Variants in AGBL4 observed in about 807,000 individuals in gnomAD.
The protein encoded by AGBL4 is cytosolic carboxypeptidase 6.
In AGBL4, 58 loss-of-function variants were observed where a neutral mutation model predicts 66.4. The observed-to-expected ratio is 0.87, with a 90% CI of 0.71 to 1.09. AGBL4 has a LOEUF of 1.09. AGBL4 is among the 50% of genes least tolerant of loss of function. The pLI is 0.00. For missense variants in AGBL4, 579 were observed against 631.0 expected (o/e 0.92, Z 0.88); for synonymous variants, 234 against 222.9 (o/e 1.05, Z -0.44).
chr1:48,698,505 A>G (rs1221351765), intron 6 of AGBL4, among the ~76,000 whole-genome samples: 35 of 152,234 alleles, frequency 2.3e-4, no homozygotes, highest in Admixed American at 2.3e-3. Flanking sequence ...TTTTGTCCTC[A>G]TCCTGAGCTC....
chr1:49,886,433 A>G (rs955034513), intron 1 of AGBL4, among the ~76,000 whole-genome samples: 7 of 152,144 alleles, frequency 4.6e-5, no homozygotes, highest in Admixed American at 2.0e-4. Flanking sequence ...CATGGAAGGC[A>G]TTGTATGATA....
intron 1 of AGBL4, among the ~76,000 whole-genome samples, chr1:49,958,116 T>C (rs1221561897): frequency 6.6e-6 from 1 of 152,104 alleles, no homozygotes; most frequent in Non-Finnish European, 1.5e-5. Flanking sequence ...CCTTCACTTA[T>C]GAAGCTTAGT....
At chr1:49,803,008 G>C (rs1323150533) in intron 2 of AGBL4, among the ~76,000 whole-genome samples, 1 of 151,308 alleles carries the variant, frequency 6.6e-6, no homozygotes, top group Non-Finnish European at 1.5e-5. Context: ...ACCTTCATAA[G>C]TTAAATTTCA....
chr1:49,586,662 C>CTGACTGAA (rs1553231959), intron 3 of AGBL4, among the ~76,000 whole-genome samples: 2 of 151,302 alleles, frequency 1.3e-5, no homozygotes, highest in Admixed American at 6.6e-5. Flanking sequence ...GACTGACTGA[C>CTGACTGAA]TGAATGAATG....
At chr1:48,590,170 C>T (rs909830734) in intron 10 of AGBL4, among the ~76,000 whole-genome samples, 11 of 151,948 alleles carry the variant, frequency 7.2e-5, no homozygotes, top group African/African-American at 2.4e-4. Flanking sequence ...ATTGGGAGGC[C>T]GAGGCGGGCG....
chr1:48,553,741 C>G (rs1181376344), intron 11 of AGBL4, among the ~76,000 whole-genome samples: 1 of 152,142 alleles, frequency 6.6e-6, no homozygotes, highest in Non-Finnish European at 1.5e-5. Context: ...AATCTCTGCT[C>G]TAGGTCTGTG....
At chr1:49,392,696 T>TACAC (rs1431125040) in intron 3 of AGBL4, among the ~76,000 whole-genome samples, 1 of 96,276 alleles carries the variant, frequency 1.0e-5, no homozygotes, top group African/African-American at 4.9e-5. Context: ...TTCAACTGTG[T>TACAC]ATACACACAC....
intron 4 of AGBL4, among the ~76,000 whole-genome samples, chr1:49,068,153 T>C (rs1039496117): frequency 1.3e-5 from 2 of 152,184 alleles, no homozygotes; most frequent in Non-Finnish European, 2.9e-5. Context: ...ATAAGACTAG[T>C]AGCAATGATT....
At chr1:49,180,230 T>G (rs888775646) in intron 4 of AGBL4, among the ~76,000 whole-genome samples, 6 of 152,194 alleles carry the variant, frequency 3.9e-5, no homozygotes, top group African/African-American at 1.4e-4. Context: ...CTTCTTTATC[T>G]GTAAATAAGG....
intron 4 of AGBL4, among the ~76,000 whole-genome samples, chr1:49,195,080 G>A (rs934748436): frequency 2.6e-5 from 4 of 151,936 alleles, no homozygotes; most frequent in Non-Finnish European, 5.9e-5. Context: ...AGCTTCAAGT[G>A]ATCATCCCAC....
chr1:49,090,271 C>T (rs994468037), intron 4 of AGBL4, among the ~76,000 whole-genome samples: 1 of 152,018 alleles, frequency 6.6e-6, no homozygotes, highest in African/African-American at 2.4e-5. Context: ...AAAAGGCATC[C>T]AAATAGAAAG....
chr1:49,991,873 C>G (rs1017966647), intron 1 of AGBL4, among the ~76,000 whole-genome samples: 2 of 152,138 alleles, frequency 1.3e-5, no homozygotes, highest in African/African-American at 4.8e-5. Context: ...CTACTTCTTA[C>G]TAACTATGTG....
chr1:49,637,757 TA>T (rs537196669), intron 3 of AGBL4, among the ~76,000 whole-genome samples: 4 of 151,010 alleles, frequency 2.6e-5, no homozygotes, highest in African/African-American at 7.3e-5. Context: ...AATTAAAAAA[TA>T]AAAAAAAATT....
At chr1:49,788,598 G>T (rs1644517803) in intron 2 of AGBL4, among the ~76,000 whole-genome samples, 1 of 151,854 alleles carries the variant, frequency 6.6e-6, no homozygotes, top group South Asian at 2.1e-4. Flanking sequence ...GAAACAAATG[G>T]AAATTATAGA....
chr1:49,875,424 G>C (rs978653625), intron 1 of AGBL4, among the ~76,000 whole-genome samples: 2 of 139,040 alleles, frequency 1.4e-5, no homozygotes, highest in African/African-American at 5.4e-5. Context: ...TTTTGTTCTT[G>C]CGATAGTTTA....
chr1:49,029,393 A>G (rs1352951284), intron 5 of AGBL4, among the ~76,000 whole-genome samples: 2 of 152,200 alleles, frequency 1.3e-5, no homozygotes, highest in African/African-American at 2.4e-5. Context: ...CTAAATTTGT[A>G]TTTAAGTCCA....
intron 1 of AGBL4, among the ~76,000 whole-genome samples, chr1:49,950,205 T>C (rs1656034160): frequency 6.7e-6 from 1 of 148,740 alleles, no homozygotes; most frequent in African/African-American, 2.5e-5. Flanking sequence ...TATATATATA[T>C]GAATACTACT....
rs540554054 is a variant in AGBL4, at chr1:49,918,932, C to A, written c.35-67414G>T. Among the ~76,000 whole-genome samples the A allele has an allele frequency of 1.2e-3, 182 of 152,218 alleles. 2 individuals carry two copies. The highest frequency in any genetic ancestry group is 1.9e-3 in the Non-Finnish European group (132 of 68,006). ...TGGGATGCAAGGCTGGTTCAACATA[C>A]AAAAATCAATAAACATAATCCAGCA... On this transcript the variant is annotated intron_variant, in intron 1 of 13. Transcript: ENST00000371839.
intron 6 of AGBL4, among the ~76,000 whole-genome samples, chr1:48,797,129 A>T (rs945345187): frequency 1.6e-4 from 24 of 152,252 alleles, no homozygotes; most frequent in African/African-American, 5.8e-4. Context: ...TGAATATAGT[A>T]GTAAAATGTT....
Sources: allele counts gnomAD v4.1 joint callset (sites outside exome capture counted in the v4.1 genomes callset), GRCh38; gene constraint gnomAD v4.1.1; transcripts MANE v1.5; gene names NCBI Gene and HGNC (gene_info 2026-07-23, HGNC 2026-07-21).